AGL: variants seen among roughly 807,000 people sequenced by gnomAD.
The protein encoded by AGL is glycogen debranching enzyme.
Under a neutral mutation model 199.3 loss-of-function variants are expected in AGL, and 128 were observed. The observed-to-expected ratio is 0.64, with a 90% CI of 0.56 to 0.74. The LOEUF (loss-of-function observed/expected upper bound fraction) is 0.74. Among genes scored for constraint, AGL ranks in the 30% least tolerant of loss-of-function variants. AGL has a pLI of 0.00. For synonymous variants in AGL, 584 were observed against 594.7 expected (o/e 0.98, Z 0.26); for missense variants, 1,809 against 1,820.8 (o/e 0.99, Z 0.12).
At chr1:99,877,578 C>T in intron 11 of AGL, 63 bp from the exon 12 acceptor site, 1 of 1,482,252 alleles carries the variant, frequency 6.7e-7, no homozygotes, top group Non-Finnish European at 9.4e-7. Context: ...ACCAGTGTTT[C>T]CTTGAAGTAA....
intron 27 of AGL, among the ~76,000 whole-genome samples, chr1:99,909,304 G>T (rs546309403): frequency 1.3e-5 from 2 of 152,182 alleles, no homozygotes; most frequent in East Asian, 1.9e-4. Context: ...TGCCAGGTTG[G>T]GTGTGGAAGT....
intron 18 of AGL, 30 bp from the exon 19 acceptor site, chr1:99,884,309 A>G (rs750204105): frequency 2.5e-6 from 4 of 1,611,958 alleles, no homozygotes; most frequent in South Asian, 1.1e-5. Flanking sequence ...TATTTGTTGA[A>G]TGGATTTTTT....
Position 99,892,526 on chromosome 1 carries a change from TC to T in AGL, c.3179del (p.Ser1060TyrfsTer4). On this transcript the variant is annotated frameshift_variant, in exon 24 of 34. Coordinates refer to ENST00000361915, the MANE Select transcript of AGL (RefSeq NM_000642.3). LOFTEE classifies it high-confidence loss of function. ...AAAATTCCCTTCCCTGCCAATTCTTTCACCTGCCCTAATGGATGTACCTTAT... is the reference window on the plus strand; with the variant it reads ...AAAATTCCCTTCCCTGCCAATTCTTTACCTGCCCTAATGGATGTACCTTAT... ...VGKFPSLPIL[S>X]PALMDVPYRL... The T allele has an allele frequency of 6.2e-7, 1 of 1,613,684 alleles. No homozygotes were observed. Among genetic ancestry groups the T allele is most frequent in the Admixed American group, 1.7e-5 (1 of 59,992 alleles).
chr1:99,857,843 G>GGGGGAGA, intron 2 of AGL, among the ~76,000 whole-genome samples: 1 of 135,352 alleles, frequency 7.4e-6, no homozygotes, highest in East Asian at 2.4e-4. Flanking sequence ...GGAGGGGGAG[G>GGGGGAGA]GGGAGGGGGG....
intron 33 of AGL, among the ~76,000 whole-genome samples, chr1:99,918,782 T>G (rs905415799): frequency 6.6e-6 from 1 of 152,190 alleles, no homozygotes; most frequent in African/African-American, 2.4e-5. Context: ...TTTAAGCTTG[T>G]TAGACCTGAC....
At chr1:99,904,983 G>T (rs1046698994) in intron 27 of AGL, among the ~76,000 whole-genome samples, 1 of 152,042 alleles carries the variant, frequency 6.6e-6, no homozygotes, top group Non-Finnish European at 1.5e-5. Context: ...ATTTTTTCTG[G>T]GATAAATGTC....
chr1:99,907,115 G>A (rs1419641728), intron 27 of AGL, among the ~76,000 whole-genome samples: 1 of 152,108 alleles, frequency 6.6e-6, no homozygotes, highest in African/African-American at 2.4e-5. Context: ...GATTAGAAGT[G>A]TTAACCATCT....
intron 33 of AGL, among the ~76,000 whole-genome samples, chr1:99,918,941 A>G (rs1655322739): frequency 6.6e-6 from 1 of 152,142 alleles, no homozygotes; most frequent in Admixed American, 6.5e-5. Flanking sequence ...TGAGTGCCAC[A>G]TACTGCTTCT....
chr1:99,887,606 T>A (rs1431200302), intron 20 of AGL, among the ~76,000 whole-genome samples: 2 of 152,024 alleles, frequency 1.3e-5, no homozygotes, highest in African/African-American at 4.8e-5. Flanking sequence ...AGAAATCAGA[T>A]GAGAACACAT....
chr1:99,915,273 C>A (rs753551850), intron 30 of AGL, 116 bp from the exon 31 acceptor site: 23 of 852,826 alleles, frequency 2.7e-5, no homozygotes, highest in Non-Finnish European at 4.3e-5. Context: ...CACTCAAATT[C>A]TGACCCTCAT....
At position 99,867,608 on chromosome 1, in the gene AGL, T is replaced by C. The variant is rs562493339; in HGVS notation, c.665-2792T>C. Among the ~76,000 whole-genome samples, 3 of 151,368 alleles carry C rather than the reference T, an allele frequency of 2.0e-5. No individual in the cohort carries two copies. The East Asian group carries it at 5.8e-4, about 29-fold the overall frequency. ...TCTCCTTCTGTCGCCCAGGCTGGAG[T>C]GCAGTGGCGCAGTCTTGGCTCACTG... is the stretch of plus-strand genomic sequence containing the variant. On this transcript the variant is annotated intron_variant, in intron 5 of 33. Transcript: ENST00000361915.
intron 4 of AGL, among the ~76,000 whole-genome samples, chr1:99,863,577 C>T (rs1339870718): frequency 6.6e-6 from 1 of 151,892 alleles, no homozygotes; most frequent in Non-Finnish European, 1.5e-5. Flanking sequence ...CTCAGCCTCC[C>T]GAGTAGCTTG....
rs766212473 is a variant in AGL, at chr1:99,852,727, GTTC to G, written c.82+1608_82+1610del. 16 of 780,244 alleles carry G rather than the reference GTTC, an allele frequency of 2.1e-5. No homozygotes were observed. The African/African-American group carries it at 2.5e-4, about 12-fold the overall frequency. The allele number at this position is 780,244 out of a possible 1,614,324, so 48.3% of individuals were successfully genotyped here. A position where few individuals can be genotyped will look rare whatever the true frequency, so the allele number is the denominator to read the frequency against. On this transcript the variant is annotated intron_variant, in intron 2 of 33. Transcript: ENST00000361915. Reference sequence around the variant, plus strand: ...TGGTGAGATGAAAGTGGTAATTTCTGTTCTTCTACCTTTCTAGGTTTTGAGACT... The same window carrying G: ...TGGTGAGATGAAAGTGGTAATTTCTGTTCTACCTTTCTAGGTTTTGAGACT...
chr1:99,884,998 C>G (rs1193111283), intron 20 of AGL, among the ~76,000 whole-genome samples: 1 of 152,182 alleles, frequency 6.6e-6, no homozygotes, highest in African/African-American at 2.4e-5. Flanking sequence ...GTATTTGAGA[C>G]TAAGTTGCAT....
chr1:99,853,188 T>A (rs918292401), intron 2 of AGL, among the ~76,000 whole-genome samples: 6 of 152,220 alleles, frequency 3.9e-5, no homozygotes, highest in East Asian at 3.8e-4. Context: ...TAAAATCAAA[T>A]TTAAATACCT....
rs1655614688 is a variant in AGL at position 99,923,006 on chromosome 1, G to A, written c.*1355G>A. The A allele has an allele frequency of 6.6e-6, 1 of 152,080 alleles. No individual in the cohort carries two copies. The highest frequency in any genetic ancestry group is 1.5e-5 in the Non-Finnish European group (1 of 67,956). 9.4% of individuals were successfully genotyped at this position (152,080 alleles called of 1,614,324 possible). The stretch of plus-strand genomic sequence containing the variant: ...GCAAAAATATATAAATGCTTCAGAT[G>A]TCAAATACCCATGCTTGAAAGCTCG... On this transcript the variant is annotated 3_prime_UTR_variant, in exon 34 of 34. Transcript: ENST00000361915.
chr1:99,857,028 G>A (rs1253170739), intron 2 of AGL, among the ~76,000 whole-genome samples: 3 of 151,506 alleles, frequency 2.0e-5, no homozygotes, highest in Non-Finnish European at 1.5e-5. Flanking sequence ...AGGCAGAGGC[G>A]CCCCTCACCT....
chr1:99,850,590 C>T (rs1648871301), intron 1 of AGL, 175 bp downstream of exon 1: 1 of 177,672 alleles, frequency 5.6e-6, no homozygotes, highest in African/African-American at 2.4e-5. Flanking sequence ...AGATTGCCCA[C>T]CTGTTATCTT....
At chr1:99,915,027 C>T (rs1465639009) in intron 30 of AGL, among the ~76,000 whole-genome samples, 1 of 152,186 alleles carries the variant, frequency 6.6e-6, no homozygotes, top group Non-Finnish European at 1.5e-5. Context: ...CTGCACTGAG[C>T]TCTGATCTCG....
Sources: allele counts gnomAD v4.1 joint callset (sites outside exome capture counted in the v4.1 genomes callset), GRCh38; gene constraint gnomAD v4.1.1; transcripts MANE v1.5; gene names NCBI Gene and HGNC (gene_info 2026-07-23, HGNC 2026-07-21).